The following FRS2 variants were observed in gnomAD, a reference collection of about 807,000 sequenced individuals.
FRS2 encodes FGFR signalling adaptor.
Under a neutral mutation model 43.9 loss-of-function variants are expected in FRS2, and 8 were observed. The observed-to-expected ratio is 0.18, with a 90% CI of 0.11 to 0.33. FRS2 has a LOEUF of 0.33. FRS2 is among the 10% of genes least tolerant of loss of function. FRS2 has a pLI of 1.00. For synonymous variants in FRS2, 219 were observed against 220.3 expected (o/e 0.99, Z 0.05); for missense variants, 534 against 627.6 (o/e 0.85, Z 1.59).
At chr12:69,514,298 G>A (rs900204011) in intron 1 of FRS2, among the ~76,000 whole-genome samples, 6 of 152,088 alleles carry the variant, frequency 3.9e-5, no homozygotes, top group Non-Finnish European at 5.9e-5. Context: ...AGAGACAGAC[G>A]GATGGATGCC....
intron 1 of FRS2, among the ~76,000 whole-genome samples, chr12:69,526,563 C>T (rs1233870321): frequency 8.6e-5 from 13 of 151,950 alleles, no homozygotes; most frequent in Non-Finnish European, 1.8e-4. Flanking sequence ...ATGTGTTCCA[C>T]ATGAGAGGAT....
intron 1 of FRS2, among the ~76,000 whole-genome samples, chr12:69,483,357 C>T (rs186186246): frequency 1.2e-4 from 19 of 152,272 alleles, no homozygotes; most frequent in Non-Finnish European, 2.4e-4. Flanking sequence ...AGTTACAATG[C>T]CCCGTGACCC....
At chr12:69,481,513 C>T (rs1164191982) in intron 1 of FRS2, among the ~76,000 whole-genome samples, 1 of 151,962 alleles carries the variant, frequency 6.6e-6, no homozygotes, top group Non-Finnish European at 1.5e-5. Context: ...TGGTCTCAAA[C>T]TCTTGGGCTC....
Position 69,470,474 on chromosome 12 carries a change from C to T in FRS2, c.-317C>T, listed in dbSNP as rs1357436986. The T allele has an allele frequency of 7.5e-6, 3 of 398,582 alleles. No homozygotes were observed. The highest frequency in any genetic ancestry group is 1.3e-4 in the South Asian group (1 of 7,866). The allele number at this position is 398,582 out of a possible 1,614,324, so 24.7% of individuals were successfully genotyped here. A position where few individuals can be genotyped will look rare whatever the true frequency, so the allele number is the denominator to read the frequency against. ...TAGGGGCTCCAGCGCGGGTCGGAGT[C>T]TGGGGGTTCGCGCCCGCCGACCCGC... On this transcript the variant is annotated 5_prime_UTR_variant, in exon 1 of 9. Transcript: ENST00000549921.
At chr12:69,553,072 T>C (rs981949107) in intron 3 of FRS2, among the ~76,000 whole-genome samples, 1 of 152,118 alleles carries the variant, frequency 6.6e-6, no homozygotes, top group African/African-American at 2.4e-5. Flanking sequence ...TTTTTGTTTT[T>C]GTTTTTGTTT....
intron 1 of FRS2, among the ~76,000 whole-genome samples, chr12:69,529,830 C>T (rs1048119597): frequency 1.3e-5 from 2 of 151,856 alleles, no homozygotes; most frequent in Admixed American, 6.6e-5. Context: ...GAGGCTGAGG[C>T]GGGCGGATCA....
In FRS2 at chr12:69,485,545, C is replaced by T. The variant is rs187958716; in HGVS notation, c.-261+15015C>T. ...TCACCCAGGCTGGAGTGCAGTGGTG[C>T]GATCTTGGCTCACTGCAACCTCCAC... On this transcript the variant is annotated intron_variant, in intron 1 of 8. Coordinates refer to ENST00000549921, the MANE Select transcript of FRS2 (RefSeq NM_001278356.2). Among the ~76,000 whole-genome samples the T allele has an allele frequency of 1.5e-3, 222 of 151,894 alleles. 2 individuals carry two copies. Among genetic ancestry groups the T allele is most frequent in the African/African-American group, 5.0e-3 (208 of 41,432 alleles).
chr12:69,504,955 T>A (rs930224430), intron 1 of FRS2, among the ~76,000 whole-genome samples: 1 of 152,148 alleles, frequency 6.6e-6, no homozygotes, highest in Non-Finnish European at 1.5e-5. Context: ...CAGCCTCCCT[T>A]AGTAGCAGGA....
At chr12:69,555,474 T>C (rs1186633164) in intron 3 of FRS2, among the ~76,000 whole-genome samples, 1 of 152,240 alleles carries the variant, frequency 6.6e-6, no homozygotes, top group Non-Finnish European at 1.5e-5. Flanking sequence ...ATGCAAACTT[T>C]TCTGGTAAAC....
At chr12:69,471,311 T>C (rs1370602712) in intron 1 of FRS2, among the ~76,000 whole-genome samples, 4 of 152,178 alleles carry the variant, frequency 2.6e-5, no homozygotes, top group Non-Finnish European at 5.9e-5. Flanking sequence ...TTAATTCTTT[T>C]GGCTATCTGA....
chr12:69,477,618 A>G, intron 1 of FRS2, among the ~76,000 whole-genome samples: 1 of 150,798 alleles, frequency 6.6e-6, no homozygotes, highest in East Asian at 2.0e-4. Flanking sequence ...CTCCTAAGAG[A>G]GAGTGCAGTG....
intron 1 of FRS2, among the ~76,000 whole-genome samples, chr12:69,508,945 T>C (rs1874208082): frequency 6.6e-6 from 1 of 152,222 alleles, no homozygotes; most frequent in African/African-American, 2.4e-5. Flanking sequence ...ATTAAGACTA[T>C]GCAAATATTT....
chr12:69,570,529 G>A lies in FRS2; in HGVS notation c.253+12G>A. 6.6e-7 allele frequency: 1 copy of A among 1,522,094 alleles called. No individual in the cohort carries two copies. The highest frequency in any genetic ancestry group is 9.1e-7 in the Non-Finnish European group (1 of 1,101,874). The allele number at this position is 1,522,094 out of a possible 1,614,324, so 94.3% of individuals were successfully genotyped here. On this transcript the variant is annotated intron_variant, in intron 6 of 8. Coordinates refer to ENST00000549921, the MANE Select transcript of FRS2 (RefSeq NM_001278356.2). The stretch of plus-strand genomic sequence containing the variant: ...TCAAACTGGACAAGGTAGAACCTTT[G>A]TTTTTTTTCCCAAATATTGTATTTG...
At chr12:69,510,374 A>G (rs74101173) in intron 1 of FRS2, among the ~76,000 whole-genome samples, 417 of 152,258 alleles carry the variant, frequency 2.7e-3, no homozygotes, top group African/African-American at 9.4e-3. Flanking sequence ...CTGTCTCTGT[A>G]CGCTAGATAT....
chr12:69,477,224 A>G (rs1811335851), intron 1 of FRS2, among the ~76,000 whole-genome samples: 1 of 150,694 alleles, frequency 6.6e-6, no homozygotes, highest in African/African-American at 2.4e-5. Flanking sequence ...ATTTATATAA[A>G]TGTTGCATTT....
intron 1 of FRS2, chr12:69,480,364 G>A (rs534819138): frequency 2.0e-5 from 3 of 152,324 alleles, no homozygotes; most frequent in African/African-American, 7.2e-5. Flanking sequence ...CTTCATGTAA[G>A]TGGAATCATA....
rs140185992 is a variant in FRS2 at position 69,535,040 on chromosome 12, C to CTGAAATT, written c.-122+2986_-122+2987insAAATTTG. 9.9e-4 allele frequency among the ~76,000 whole-genome samples: 151 copies of CTGAAATT among 152,272 alleles called. 1 individual carries two copies. In the East Asian group the frequency reaches 0.026, roughly 26 times the overall value. ...CTTGTAATTGTGTATTTCTTTGGCA[C>CTGAAATT]TGTAATTTCAGAATGATTTGGAAAT... On this transcript the variant is annotated intron_variant, in intron 3 of 8. Coordinates refer to ENST00000549921, the MANE Select transcript of FRS2 (RefSeq NM_001278356.2).
chr12:69,552,041 C>T (rs1183673112), intron 3 of FRS2, among the ~76,000 whole-genome samples: 4 of 151,926 alleles, frequency 2.6e-5, no homozygotes, highest in African/African-American at 9.7e-5. Flanking sequence ...CACGGTGGCT[C>T]ATGCCTGTAA....
intron 1 of FRS2, among the ~76,000 whole-genome samples, chr12:69,530,305 C>T (rs1475592217): frequency 2.0e-5 from 3 of 150,292 alleles, no homozygotes; most frequent in Admixed American, 6.6e-5. Flanking sequence ...AAATGGCACT[C>T]CGGAGTTGCA....
Sources: gnomAD v4.1 joint callset for allele counts (sites outside exome capture counted in the v4.1 genomes callset) on GRCh38, gnomAD v4.1.1 for gene constraint, MANE v1.5 for transcripts, NCBI Gene and HGNC (gene_info 2026-07-23, HGNC 2026-07-21) for gene names.